DGKB: variants seen among roughly 807,000 people sequenced by gnomAD.
The protein encoded by DGKB is 90 kDa diacylglycerol kinase.
Under a neutral mutation model 114.3 loss-of-function variants are expected in DGKB, and 67 were observed. That is an observed-to-expected ratio of 0.59 (90% CI 0.48 to 0.72). The LOEUF is 0.72. Ranked by LOEUF, DGKB falls within the 30% of genes least tolerant of loss-of-function variation. The pLI, the probability that DGKB is intolerant of heterozygous loss-of-function variation, is 0.00. For synonymous variants in DGKB, 398 were observed against 323.1 expected (o/e 1.23, Z -2.49); for missense variants, 907 against 975.2 (o/e 0.93, Z 0.93).
At chr7:14,548,897 G>A (rs1794704057) in intron 20 of DGKB, among the ~76,000 whole-genome samples, 1 of 151,954 alleles carries the variant, frequency 6.6e-6, no homozygotes, top group Admixed American at 6.6e-5. Context: ...TTGGTCAGTA[G>A]TGGGGATTTG....
intron 23 of DGKB, among the ~76,000 whole-genome samples, chr7:14,201,178 G>C (rs1215784418): frequency 2.0e-5 from 3 of 151,960 alleles, no homozygotes; most frequent in African/African-American, 7.2e-5. Context: ...TCTTTTCACT[G>C]TAACCTTACA....
intron 2 of DGKB, among the ~76,000 whole-genome samples, chr7:14,787,925 C>G (rs1586511928): frequency 6.7e-6 from 1 of 149,810 alleles, no homozygotes; most frequent in Middle Eastern, 3.4e-3. Flanking sequence ...CCCTCTCACC[C>G]AAGATCCACC....
intron 6 of DGKB, among the ~76,000 whole-genome samples, chr7:14,704,951 G>A (rs540446874): frequency 2.0e-5 from 3 of 151,976 alleles, no homozygotes; most frequent in South Asian, 4.2e-4. Context: ...CACCAGCAAC[G>A]GAACAAAGCT....
At position 14,870,561 on chromosome 7, in the gene DGKB, GC is replaced by G. The variant is rs1291980388; in HGVS notation, c.-187-29112del. On this transcript the variant is annotated intron_variant, in intron 1 of 25. Coordinates refer to ENST00000402815, the MANE Select transcript of DGKB (RefSeq NM_001350709.2). ...GCCTGTAATCCCAGCACTTTAGGAG[GC>G]CGAGGAGGGCAGATCGCGACATCAG... 3.3e-5 allele frequency among the ~76,000 whole-genome samples: 5 copies of G among 152,108 alleles called. No homozygotes were observed. In the East Asian group the frequency reaches 9.6e-4, roughly 29 times the overall value.
intron 13 of DGKB, among the ~76,000 whole-genome samples, chr7:14,657,432 AAATG>A (rs1382786132): frequency 6.6e-6 from 1 of 151,942 alleles, no homozygotes; most frequent in Admixed American, 6.6e-5. Context: ...AATATTAATT[AAATG>A]AATATTAAGT....
chr7:14,681,051 T>C (rs1820737957), intron 12 of DGKB, among the ~76,000 whole-genome samples: 1 of 150,602 alleles, frequency 6.6e-6, no homozygotes, highest in African/African-American at 2.4e-5. Context: ...ATGAAAAAAA[T>C]AAGAGGAAGC....
intron 23 of DGKB, chr7:14,191,073 C>G (rs1240478189): frequency 6.4e-6 from 1 of 156,314 alleles, no homozygotes; most frequent in Admixed American, 6.5e-5. Flanking sequence ...TATTGATAGT[C>G]TGGGACACAG....
chr7:14,483,641 A>C (rs967982856), intron 20 of DGKB, among the ~76,000 whole-genome samples: 1 of 152,108 alleles, frequency 6.6e-6, no homozygotes, highest in Admixed American at 6.6e-5. Flanking sequence ...TTGATGGTAA[A>C]GGTTTTTGAA....
intron 2 of DGKB, among the ~76,000 whole-genome samples, chr7:14,807,048 G>GA (rs1012411501): frequency 1.0e-4 from 15 of 149,060 alleles, no homozygotes; most frequent in South Asian, 2.1e-4. Context: ...AGTTCTTGGA[G>GA]AAAAAAAAAA....
chr7:14,679,460 T>G (rs1357438021), intron 12 of DGKB, among the ~76,000 whole-genome samples: 2 of 152,002 alleles, frequency 1.3e-5, no homozygotes, highest in African/African-American at 4.8e-5. Flanking sequence ...AAGAATCTGG[T>G]TGGTCTGAGT....
At chr7:14,338,964 T>C (rs911832452) in intron 22 of DGKB, among the ~76,000 whole-genome samples, 2 of 152,074 alleles carry the variant, frequency 1.3e-5, no homozygotes, top group Non-Finnish European at 1.5e-5. Context: ...TCTTTGTTTG[T>C]AGAAAACCTT....
chr7:14,890,747 T>C (rs1036798106), intron 1 of DGKB, among the ~76,000 whole-genome samples: 1 of 151,226 alleles, frequency 6.6e-6, no homozygotes, highest in African/African-American at 2.4e-5. Context: ...TCTGTTTACT[T>C]CCTATAAGAC....
chr7:14,766,392 T>C (rs1836464310), intron 2 of DGKB, among the ~76,000 whole-genome samples: 1 of 151,836 alleles, frequency 6.6e-6, no homozygotes, highest in African/African-American at 2.4e-5. Flanking sequence ...CAAAAGAATT[T>C]CCTTATTGAT....
At chr7:14,331,849 A>AAT (rs1419611616) in intron 23 of DGKB, among the ~76,000 whole-genome samples, 1 of 152,150 alleles carries the variant, frequency 6.6e-6, no homozygotes, top group East Asian at 1.9e-4. Context: ...GGAGTTAAAA[A>AAT]ATTAATAGTA....
intron 23 of DGKB, among the ~76,000 whole-genome samples, chr7:14,252,328 G>A (rs1359514044): frequency 6.6e-6 from 1 of 151,992 alleles, no homozygotes; most frequent in Non-Finnish European, 1.5e-5. Context: ...ATTTCCTTAG[G>A]GTTGGTTACT....
chr7:14,817,935 C>CAAAA (rs58195416), intron 2 of DGKB, among the ~76,000 whole-genome samples: 1 of 147,616 alleles, frequency 6.8e-6, no homozygotes, highest in African/African-American at 2.5e-5. Context: ...ATTCTGGTGA[C>CAAAA]AAAAAAAAAA....
intron 23 of DGKB, among the ~76,000 whole-genome samples, chr7:14,280,310 G>A (rs1157591103): frequency 4.0e-5 from 6 of 151,854 alleles, no homozygotes; most frequent in South Asian, 4.2e-4. Context: ...AGTTTAGAGA[G>A]AAAAGAATAA....
intron 20 of DGKB, among the ~76,000 whole-genome samples, chr7:14,489,752 G>A (rs1409902289): frequency 6.6e-6 from 1 of 152,168 alleles, no homozygotes; most frequent in Non-Finnish European, 1.5e-5. Context: ...GTAAGAGGTA[G>A]GGATACAGGC....
chr7:14,960,673 A>T (rs36909), intron 1 of DGKB, among the ~76,000 whole-genome samples: 17,808 of 152,070 alleles, frequency 0.12, 1,369 homozygotes, highest in Non-Finnish European at 0.18. Context: ...TGACAATGAA[A>T]GTGAGGGGTT....
Sources: gnomAD v4.1 joint callset for allele counts (sites outside exome capture counted in the v4.1 genomes callset) on GRCh38, gnomAD v4.1.1 for gene constraint, MANE v1.5 for transcripts, NCBI Gene and HGNC (gene_info 2026-07-23, HGNC 2026-07-21) for gene names.